CDH4: variants seen among roughly 807,000 people sequenced by gnomAD.
CDH4 encodes the protein cadherin-4.
A neutral mutation model predicts 86.0 loss-of-function variants in CDH4; 33 were observed. That is an observed-to-expected ratio of 0.38 (90% confidence interval 0.29 to 0.51). CDH4 has a LOEUF of 0.51. Ranked by LOEUF, CDH4 falls within the 20% of genes least tolerant of loss-of-function variation. The probability of loss-of-function intolerance (pLI) is 0.86; values close to 1 mark genes in which losing one functional copy is unlikely to be tolerated. For synonymous variants in CDH4, 555 were observed against 549.4 expected (o/e 1.01, Z -0.14); for missense variants, 1,114 against 1,307.4 (o/e 0.85, Z 2.28).
intron 2 of CDH4, among the ~76,000 whole-genome samples, chr20:61,293,189 T>C (rs1293423920): frequency 3.3e-5 from 5 of 152,168 alleles, no homozygotes; most frequent in Non-Finnish European, 1.5e-5. Context: ...CACATGAACG[T>C]AGTAGGACTT....
At chr20:61,307,698 T>C (rs913205613) in intron 2 of CDH4, among the ~76,000 whole-genome samples, 3 of 152,146 alleles carry the variant, frequency 2.0e-5, no homozygotes, top group African/African-American at 7.2e-5. Context: ...AGAGGGGCTT[T>C]TGTTTTCTTT....
At chr20:61,763,999 C>T (rs542268996) in intron 3 of CDH4, among the ~76,000 whole-genome samples, 16 of 152,276 alleles carry the variant, frequency 1.1e-4, no homozygotes, top group South Asian at 4.2e-4. Context: ...CTCTCGCTTG[C>T]GAGTGATGAG....
At chr20:61,917,924 G>A (rs2054922806) in intron 9 of CDH4, among the ~76,000 whole-genome samples, 1 of 152,260 alleles carries the variant, frequency 6.6e-6, no homozygotes, top group Non-Finnish European at 1.5e-5. Flanking sequence ...TTTAACGCAT[G>A]ACATGCAGCA....
chr20:61,295,561 G>A (rs2084347559), intron 2 of CDH4, among the ~76,000 whole-genome samples: 1 of 152,110 alleles, frequency 6.6e-6, no homozygotes, highest in Non-Finnish European at 1.5e-5. Flanking sequence ...ATACTTATCA[G>A]TATCGAATAA....
chr20:61,741,649 G>A (rs1390831930), intron 2 of CDH4, among the ~76,000 whole-genome samples: 1 of 152,004 alleles, frequency 6.6e-6, no homozygotes, highest in Non-Finnish European at 1.5e-5. Context: ...CCGCCACCAC[G>A]CCCGGCTAAC....
intron 2 of CDH4, among the ~76,000 whole-genome samples, chr20:61,568,813 T>C (rs1392222705): frequency 1.3e-5 from 2 of 152,218 alleles, no homozygotes; most frequent in Non-Finnish European, 2.9e-5. Flanking sequence ...CTGGCAGCCA[T>C]GTTCCTTCCT....
In CDH4 at chr20:61,452,755, CAGGCCTTGT is replaced by C. The variant is rs1435602900; in HGVS notation, c.169+197819_169+197827del. Among the ~76,000 whole-genome samples, 10 of 152,158 alleles carry C rather than the reference CAGGCCTTGT, an allele frequency of 6.6e-5. 1 individual carries two copies. The South Asian group carries it at 2.1e-3, about 32-fold the overall frequency. On this transcript the variant is annotated intron_variant, in intron 2 of 15. Transcript: ENST00000614565. Reference sequence around the variant, plus strand: ...TTTTTTTTTATGTGTAAAGGCCTTGCAGGCCTTGTGATTCAGACAGTAAAACCTTGAGAA... The same window carrying C: ...TTTTTTTTTATGTGTAAAGGCCTTGCGATTCAGACAGTAAAACCTTGAGAA...
intron 2 of CDH4, among the ~76,000 whole-genome samples, chr20:61,429,963 C>T (rs1459436053): frequency 6.6e-6 from 1 of 152,182 alleles, no homozygotes; most frequent in Non-Finnish European, 1.5e-5. Context: ...ATTTGTGTGC[C>T]GAGCATGGCT....
Position 61,534,979 on chromosome 20 carries a change from C to T in CDH4, c.170-208584C>T, listed in dbSNP as rs1192526706. Among the ~76,000 whole-genome samples, 7 of 152,172 alleles carry T rather than the reference C, an allele frequency of 4.6e-5. 1 individual carries two copies. The South Asian group carries it at 6.2e-4, about 14-fold the overall frequency. On this transcript the variant is annotated intron_variant, in intron 2 of 15. Coordinates refer to ENST00000614565, the MANE Select transcript of CDH4 (RefSeq NM_001794.5). Reference sequence around the variant, plus strand: ...GCTCATCCTGGATCCATTCAGAAGCCAGCCCTGCTCACTTAAAGGGACAAT... The same window carrying T: ...GCTCATCCTGGATCCATTCAGAAGCTAGCCCTGCTCACTTAAAGGGACAAT...
chr20:61,873,835 A>G lies in CDH4; in HGVS notation c.985A>G (p.Asn329Asp). The G allele has an allele frequency of 1.9e-6, 3 of 1,614,080 alleles. No homozygotes were observed. The highest frequency in any genetic ancestry group is 2.5e-6 in the Non-Finnish European group (3 of 1,180,018). ...CCAGACCCCACAGAGCCCGTCCCAGAATATGTTCACCATCAACAGCGAGAC... is the reference window on the plus strand; with the variant it reads ...CCAGACCCCACAGAGCCCGTCCCAGGATATGTTCACCATCAACAGCGAGAC... ...VTQTPQSPSQ[N>D]MFTINSETGD... is the part of the protein sequence containing the mutation. The change falls in exon 7 of 16, where the codon AAT becomes GAT. Residue 329 changes from asparagine to aspartate, a missense_variant. Around this residue, in one of 3 missense-constraint regions of CDH4, gnomAD observed 705 missense variants for 914.1 expected, o/e 0.77. Coordinates refer to ENST00000614565, the MANE Select transcript of CDH4 (RefSeq NM_001794.5).
At chr20:61,550,964 G>A (rs1364938974) in intron 2 of CDH4, among the ~76,000 whole-genome samples, 2 of 152,250 alleles carry the variant, frequency 1.3e-5, no homozygotes, top group African/African-American at 4.8e-5. Flanking sequence ...AGTGAATTCT[G>A]CAGTTGGTCA....
At chr20:61,704,995 T>C (rs924239370) in intron 2 of CDH4, among the ~76,000 whole-genome samples, 1 of 152,226 alleles carries the variant, frequency 6.6e-6, no homozygotes, top group Non-Finnish European at 1.5e-5. Context: ...TGTGAGCTAA[T>C]GGCCAGCTGG....
chr20:61,502,545 T>C (rs1158258766), intron 2 of CDH4, among the ~76,000 whole-genome samples: 1 of 152,194 alleles, frequency 6.6e-6, no homozygotes, highest in Non-Finnish European at 1.5e-5. Context: ...ACATTGTCTG[T>C]GGTTGTGTGG....
intron 2 of CDH4, among the ~76,000 whole-genome samples, chr20:61,506,690 G>T (rs965099882): frequency 6.6e-6 from 1 of 152,170 alleles, no homozygotes; most frequent in Non-Finnish European, 1.5e-5. Context: ...GGAGGAAAAG[G>T]CTGAGCCAAC....
chr20:61,536,796 C>T (rs2086000654), intron 2 of CDH4, among the ~76,000 whole-genome samples: 1 of 152,174 alleles, frequency 6.6e-6, no homozygotes, highest in Non-Finnish European at 1.5e-5. Context: ...TTTGGGGATG[C>T]CGCTACACAC....
chr20:61,548,900 A>G (rs974775376), intron 2 of CDH4, among the ~76,000 whole-genome samples: 1 of 152,168 alleles, frequency 6.6e-6, no homozygotes, highest in Non-Finnish European at 1.5e-5. Flanking sequence ...AGGGAATTGA[A>G]TTAGGAAGAT....
At chr20:61,514,517 T>C (rs1282370935) in intron 2 of CDH4, among the ~76,000 whole-genome samples, 1 of 152,196 alleles carries the variant, frequency 6.6e-6, no homozygotes, top group East Asian at 1.9e-4. Flanking sequence ...GCTTTTATCA[T>C]GTTACTCATT....
chr20:61,397,096 T>TA, intron 2 of CDH4, among the ~76,000 whole-genome samples: 1 of 152,072 alleles, frequency 6.6e-6, no homozygotes, highest in East Asian at 1.9e-4. Flanking sequence ...TTTTTTGTAA[T>TA]ACGGGGTTTT....
chr20:61,600,499 C>T (rs1289848761), intron 2 of CDH4, among the ~76,000 whole-genome samples: 1 of 152,174 alleles, frequency 6.6e-6, no homozygotes, highest in Admixed American at 6.5e-5. Context: ...TAGTGGTGCT[C>T]AGGTGGCGGG....
Sources: gnomAD v4.1 joint callset for allele counts (sites outside exome capture counted in the v4.1 genomes callset) on GRCh38, gnomAD v4.1.1 for gene constraint, gnomAD v4.1.1 regional missense constraint, MANE v1.5 for transcripts, NCBI Gene and HGNC (gene_info 2026-07-23, HGNC 2026-07-21) for gene names.